Variants in HMBOX1 observed in about 807,000 individuals in gnomAD.
HMBOX1 encodes homeobox-containing protein 1.
In HMBOX1, 14 loss-of-function variants were observed where a neutral mutation model predicts 54.5. That is an observed-to-expected ratio of 0.26 (90% CI 0.17 to 0.40). The LOEUF (loss-of-function observed/expected upper bound fraction) is 0.40, where lower values mean the gene tolerates loss of function less well. Ranked by LOEUF, HMBOX1 falls within the 10% of genes least tolerant of loss-of-function variation. The pLI, the probability that HMBOX1 is intolerant of heterozygous loss-of-function variation, is 1.00. For missense variants in HMBOX1, 332 were observed against 514.4 expected, an observed-to-expected ratio of 0.65 and a Z score of 3.43; for synonymous variants, 160 against 181.0, an observed-to-expected ratio of 0.88 and a Z score of 0.93.
chr8:29,042,919 A>G (rs1394980152), intron 6 of HMBOX1, among the ~76,000 whole-genome samples: 2 of 152,196 alleles, frequency 1.3e-5, no homozygotes, highest in African/African-American at 2.4e-5. Flanking sequence ...AGAACAAACT[A>G]TTTTGAAGAG....
Position 28,943,273 on chromosome 8 carries a change from C to T in HMBOX1, c.-57-20538C>T, listed in dbSNP as rs112237397. Among the ~76,000 whole-genome samples, 1,017 of 152,250 alleles carry T rather than the reference C, an allele frequency of 6.7e-3. 12 individuals are homozygous for T. Among genetic ancestry groups the T allele is most frequent in the East Asian group, 0.053 (276 of 5,182 alleles). On this transcript the variant is annotated intron_variant, in intron 1 of 9. Coordinates refer to ENST00000287701, the MANE Select transcript of HMBOX1 (RefSeq NM_001135726.3). ...TAATTTACATGTACATGGGAGCCCTCACAAGAAAATGAAGACCCAAGGAAG... is the reference window on the plus strand; with the variant it reads ...TAATTTACATGTACATGGGAGCCCTTACAAGAAAATGAAGACCCAAGGAAG...
At chr8:28,916,631 T>C (rs1331460802) in intron 1 of HMBOX1, among the ~76,000 whole-genome samples, 2 of 152,220 alleles carry the variant, frequency 1.3e-5, no homozygotes, top group Non-Finnish European at 2.9e-5. Context: ...TTTGTGTGAG[T>C]CTGTTTCTGG....
At chr8:28,977,446 TTTA>T (rs1204237557) in intron 3 of HMBOX1, among the ~76,000 whole-genome samples, 2 of 152,216 alleles carry the variant, frequency 1.3e-5, no homozygotes, top group Non-Finnish European at 2.9e-5. Context: ...AATGATTTGT[TTTA>T]TTTATATAAG....
At chr8:29,003,190 CTA>C (rs1289866574) in intron 4 of HMBOX1, among the ~76,000 whole-genome samples, 1 of 151,230 alleles carries the variant, frequency 6.6e-6, no homozygotes, top group African/African-American at 2.4e-5. Flanking sequence ...TCTTCACAAA[CTA>C]TGAATCAAAA....
intron 1 of HMBOX1, among the ~76,000 whole-genome samples, chr8:28,960,723 AT>A (rs1825318065): frequency 8.9e-6 from 1 of 112,578 alleles, no homozygotes; most frequent in Admixed American, 9.6e-5. Flanking sequence ...TAAACTGTAT[AT>A]TTTATAATTG....
chr8:29,021,317 A>G (rs1364733597), intron 6 of HMBOX1, among the ~76,000 whole-genome samples: 1 of 152,200 alleles, frequency 6.6e-6, no homozygotes, highest in East Asian at 1.9e-4. Flanking sequence ...TGGCAATGGG[A>G]AAAATATTTC....
intron 6 of HMBOX1, among the ~76,000 whole-genome samples, chr8:29,023,704 A>C (rs1801567712): frequency 2.0e-5 from 3 of 152,180 alleles, no homozygotes; most frequent in Admixed American, 1.3e-4. Context: ...TACAGCCCCA[A>C]TTTTAGTAAC....
At chr8:29,043,003 A>G (rs1805068751) in intron 6 of HMBOX1, among the ~76,000 whole-genome samples, 1 of 152,218 alleles carries the variant, frequency 6.6e-6, no homozygotes, top group Non-Finnish European at 1.5e-5. Context: ...TCCAAGGGTT[A>G]AGCCTTGAAG....
intron 1 of HMBOX1, among the ~76,000 whole-genome samples, chr8:28,919,203 A>C (rs919001977): frequency 6.6e-6 from 1 of 152,180 alleles, no homozygotes; most frequent in African/African-American, 2.4e-5. Context: ...CCCTTTGGCT[A>C]CCAAAATCTG....
At chr8:29,042,803 A>G in intron 6 of HMBOX1, 1 of 420,776 alleles carries the variant, frequency 2.4e-6, no homozygotes, top group South Asian at 1.7e-5. Flanking sequence ...GTTCAGGCTA[A>G]GAAATGAGAG....
intron 3 of HMBOX1, among the ~76,000 whole-genome samples, chr8:28,976,901 G>T (rs1241848150): frequency 6.6e-6 from 1 of 151,654 alleles, no homozygotes; most frequent in African/African-American, 2.4e-5. Context: ...TAGAGACGAG[G>T]TCTCATCATG....
intron 6 of HMBOX1, among the ~76,000 whole-genome samples, chr8:29,037,875 C>T (rs1681938963): frequency 6.6e-6 from 1 of 152,142 alleles, no homozygotes; most frequent in African/African-American, 2.4e-5. Context: ...AAAAGCAGGC[C>T]TTTCCTGCCC....
chr8:29,005,753 T>G (rs932393212), intron 4 of HMBOX1, among the ~76,000 whole-genome samples: 1 of 152,176 alleles, frequency 6.6e-6, no homozygotes, highest in Admixed American at 6.5e-5. Flanking sequence ...CATGGGTAAC[T>G]ACTATTCTGA....
chr8:28,926,103 A>C (rs1818400085), intron 1 of HMBOX1, among the ~76,000 whole-genome samples: 1 of 152,096 alleles, frequency 6.6e-6, no homozygotes, highest in African/African-American at 2.4e-5. Flanking sequence ...GATTGAGACC[A>C]GACTGGGCAA....
chr8:28,924,685 T>G (rs1453559278), intron 1 of HMBOX1: 1 of 152,320 alleles, frequency 6.6e-6, no homozygotes, highest in Non-Finnish European at 1.5e-5. Flanking sequence ...TAATCTCAGC[T>G]CACCACAACC....
chr8:29,027,446 T>G (rs994899451), intron 6 of HMBOX1, among the ~76,000 whole-genome samples: 23 of 152,308 alleles, frequency 1.5e-4, no homozygotes, highest in African/African-American at 5.5e-4. Context: ...CTTACTAATC[T>G]TTCAGCATTT....
intron 1 of HMBOX1, among the ~76,000 whole-genome samples, chr8:28,896,430 C>G (rs1812141239): frequency 6.7e-6 from 1 of 149,674 alleles, no homozygotes; most frequent in Non-Finnish European, 1.5e-5. Flanking sequence ...AGAACTCTTA[C>G]TGCAAAGATT....
intron 1 of HMBOX1, among the ~76,000 whole-genome samples, chr8:28,902,318 A>C (rs1813383414): frequency 6.6e-6 from 1 of 152,132 alleles, no homozygotes; most frequent in East Asian, 1.9e-4. Context: ...ACTGGATCAG[A>C]GAAATGACAT....
rs796576474 is a variant in HMBOX1 at position 28,938,993 on chromosome 8, T to TA, written c.-57-24811dup. On this transcript the variant is annotated intron_variant, in intron 1 of 9. Coordinates refer to ENST00000287701, the MANE Select transcript of HMBOX1 (RefSeq NM_001135726.3). ...GCAAGAAAGCAAGACTTTGTCTCTTTAAAAAAACAAAAGAAGCCAGGTGTG... is the reference window on the plus strand; with the variant it reads ...GCAAGAAAGCAAGACTTTGTCTCTTTAAAAAAAACAAAAGAAGCCAGGTGTG... 2.6e-4 allele frequency among the ~76,000 whole-genome samples: 40 copies of TA among 152,032 alleles called. 1 individual carries two copies. The highest frequency in any genetic ancestry group is 8.9e-4 in the African/African-American group (37 of 41,490).
Sources: gnomAD v4.1 joint callset for allele counts (sites outside exome capture counted in the v4.1 genomes callset) on GRCh38, gnomAD v4.1.1 for gene constraint, MANE v1.5 for transcripts, NCBI Gene and HGNC (gene_info 2026-07-23, HGNC 2026-07-21) for gene names.